Variants in TAFA2 observed in about 807,000 individuals in gnomAD.
The protein encoded by TAFA2 is TAFA chemokine like family member 2.
A neutral mutation model predicts 18.8 loss-of-function variants in TAFA2; 7 were observed. The ratio of observed to expected loss-of-function variants is 0.37; its 90% CI spans 0.21 to 0.70. The LOEUF (loss-of-function observed/expected upper bound fraction) is 0.70. Ranked by LOEUF, TAFA2 falls within the 30% of genes least tolerant of loss-of-function variation. TAFA2 has a pLI of 0.53. For synonymous variants in TAFA2, 60 were observed against 54.2 expected (o/e 1.11, Z -0.47); for missense variants, 122 against 158.1 (o/e 0.77, Z 1.23).
At chr12:61,891,221 TC>T (rs1293978031) in intron 1 of TAFA2, among the ~76,000 whole-genome samples, 1 of 152,062 alleles carries the variant, frequency 6.6e-6, no homozygotes, top group Non-Finnish European at 1.5e-5. Flanking sequence ...TGAGAAAGAT[TC>T]AGCCAAATAA....
intron 4 of TAFA2, among the ~76,000 whole-genome samples, chr12:61,746,182 G>A (rs1409193649): frequency 2.0e-5 from 3 of 152,076 alleles, no homozygotes; most frequent in African/African-American, 7.2e-5. Context: ...ATGATAGTGA[G>A]TGAGTCTCAT....
chr12:61,991,074 G>T (rs1402897014), intron 1 of TAFA2, among the ~76,000 whole-genome samples: 1 of 152,150 alleles, frequency 6.6e-6, no homozygotes, highest in South Asian at 2.1e-4. Context: ...ATAGAAAAAG[G>T]TACTTTATGC....
intron 1 of TAFA2, among the ~76,000 whole-genome samples, chr12:62,010,635 C>G (rs553978711): frequency 6.6e-6 from 1 of 151,630 alleles, no homozygotes; most frequent in Non-Finnish European, 1.5e-5. Context: ...AGGTGAGGAG[C>G]GCCTCTGCCC....
chr12:62,200,570 G>T (rs2062667123), intron 1 of TAFA2, among the ~76,000 whole-genome samples: 2 of 152,112 alleles, frequency 1.3e-5, no homozygotes. Context: ...TTGTAGATAT[G>T]CAATCTTATT....
intron 1 of TAFA2, chr12:61,880,238 G>T: frequency 2.1e-6 from 1 of 487,576 alleles, no homozygotes; most frequent in South Asian, 1.6e-5. Flanking sequence ...TACAAAGACT[G>T]ACATCTCCGA....
At chr12:61,727,443 T>C (rs1012647828) in intron 4 of TAFA2, among the ~76,000 whole-genome samples, 3 of 152,002 alleles carry the variant, frequency 2.0e-5, no homozygotes, top group African/African-American at 7.2e-5. Context: ...TGGCTTAATC[T>C]AGGAGGGTTG....
chr12:62,141,290 G>A (rs144260187), intron 1 of TAFA2, among the ~76,000 whole-genome samples: 23 of 152,280 alleles, frequency 1.5e-4, no homozygotes, highest in African/African-American at 5.5e-4. Context: ...TAGACTGATC[G>A]TGTAATTGAC....
chr12:61,927,958 A>G (rs1055983844), intron 1 of TAFA2, among the ~76,000 whole-genome samples: 1 of 152,234 alleles, frequency 6.6e-6, no homozygotes, highest in African/African-American at 2.4e-5. Context: ...GGCTAGCCAT[A>G]TGCAGAAAAC....
chr12:62,117,410 A>G (rs1870007815), intron 1 of TAFA2, among the ~76,000 whole-genome samples: 1 of 152,196 alleles, frequency 6.6e-6, no homozygotes. Context: ...ATATAAAAAA[A>G]AAGTGGTGCA....
chr12:61,734,487 A>C (rs935449423), intron 4 of TAFA2, among the ~76,000 whole-genome samples: 1 of 151,862 alleles, frequency 6.6e-6, no homozygotes, highest in African/African-American at 2.4e-5. Flanking sequence ...CACATTGTGC[A>C]CATGTACCCT....
At chr12:61,944,987 G>A (rs2121433740) in intron 1 of TAFA2, among the ~76,000 whole-genome samples, 1 of 150,552 alleles carries the variant, frequency 6.6e-6, no homozygotes, top group East Asian at 2.0e-4. Context: ...CCAAAGACTG[G>A]CAGAGACACA....
At chr12:61,834,130 C>T (rs1323374080) in intron 2 of TAFA2, among the ~76,000 whole-genome samples, 1 of 151,990 alleles carries the variant, frequency 6.6e-6, no homozygotes, top group Middle Eastern at 3.2e-3. Flanking sequence ...TATCTAAATG[C>T]TTTTATATAC....
chr12:61,992,242 T>C (rs1880036900), intron 1 of TAFA2, among the ~76,000 whole-genome samples: 1 of 152,182 alleles, frequency 6.6e-6, no homozygotes, highest in African/African-American at 2.4e-5. Flanking sequence ...ATGTGTCCTA[T>C]AGAATGTTTG....
At chr12:62,154,473 G>A (rs948174081) in intron 1 of TAFA2, among the ~76,000 whole-genome samples, 4 of 152,104 alleles carry the variant, frequency 2.6e-5, no homozygotes, top group African/African-American at 9.7e-5. Context: ...TTCTAGCCCA[G>A]TTAAAATTAG....
intron 2 of TAFA2, among the ~76,000 whole-genome samples, chr12:61,836,959 G>A (rs1031534616): frequency 6.6e-6 from 1 of 151,072 alleles, no homozygotes; most frequent in Non-Finnish European, 1.5e-5. Flanking sequence ...AAATACTTTT[G>A]AAGCCTATTT....
intron 1 of TAFA2, among the ~76,000 whole-genome samples, chr12:62,164,583 C>T (rs866549407): frequency 6.6e-6 from 1 of 152,062 alleles, no homozygotes; most frequent in African/African-American, 2.4e-5. Context: ...AACAAACCCT[C>T]GTGACATGAG....
intron 4 of TAFA2, among the ~76,000 whole-genome samples, chr12:61,725,639 C>T (rs1412029812): frequency 6.6e-6 from 1 of 152,050 alleles, no homozygotes; most frequent in African/African-American, 2.4e-5. Flanking sequence ...TTCCATTGGT[C>T]TTTGTGCCTA....
At chr12:61,975,805 G>A (rs537566044) in intron 1 of TAFA2, among the ~76,000 whole-genome samples, 2 of 151,708 alleles carry the variant, frequency 1.3e-5, no homozygotes, top group African/African-American at 4.8e-5. Flanking sequence ...CTAATGTACG[G>A]CAAGGTGACT....
intron 1 of TAFA2, among the ~76,000 whole-genome samples, chr12:61,998,440 C>CT (rs1880272914): frequency 6.6e-6 from 1 of 152,144 alleles, no homozygotes; most frequent in East Asian, 1.9e-4. Flanking sequence ...GCAAACAATA[C>CT]TTTTTTATAC....
Sources: gnomAD v4.1 joint callset for allele counts (sites outside exome capture counted in the v4.1 genomes callset) on GRCh38, gnomAD v4.1.1 for gene constraint, MANE v1.5 for transcripts, NCBI Gene and HGNC (gene_info 2026-07-23, HGNC 2026-07-21) for gene names.